Variants in KLF3 observed in about 807,000 individuals in gnomAD.
KLF3 encodes the protein Krueppel-like factor 3.
Under a neutral mutation model 32.7 loss-of-function variants are expected in KLF3, and 6 were observed. That is an observed-to-expected ratio of 0.18 (90% CI 0.10 to 0.36). The LOEUF (loss-of-function observed/expected upper bound fraction) is 0.36, where lower values mean the gene tolerates loss of function less well. KLF3 is among the 10% of genes least tolerant of loss of function. KLF3 has a pLI of 1.00. For synonymous variants in KLF3, 145 were observed against 172.8 expected (o/e 0.84, Z 1.26); for missense variants, 338 against 449.7 (o/e 0.75, Z 2.25).
chr4:38,680,924 C>T, intron 2 of KLF3: 1 of 348,580 alleles, frequency 2.9e-6, no homozygotes, highest in Non-Finnish European at 5.6e-6. Context: ...GTGGCACATG[C>T]CTGTAATCCC....
intron 2 of KLF3, among the ~76,000 whole-genome samples, chr4:38,681,947 A>T (rs1722539511): frequency 6.6e-6 from 1 of 152,244 alleles, no homozygotes; most frequent in Non-Finnish European, 1.5e-5. Flanking sequence ...TCTATAATGC[A>T]AGTTAAGTCA....
intron 1 of KLF3, among the ~76,000 whole-genome samples, chr4:38,676,129 A>AC (rs1722342785): frequency 2.0e-5 from 3 of 152,196 alleles, no homozygotes; most frequent in African/African-American, 7.2e-5. Flanking sequence ...TGTCTTTGTT[A>AC]AAAGTTTTGA....
At chr4:38,680,759 T>C in intron 2 of KLF3, 77 bp downstream of exon 2, 1 of 1,227,256 alleles carries the variant, frequency 8.1e-7, no homozygotes, top group Non-Finnish European at 1.2e-6. Context: ...GAATTATTCC[T>C]TGAAATCATG....
chr4:38,673,657 G>GT (rs1722263321), intron 1 of KLF3, among the ~76,000 whole-genome samples: 1 of 152,170 alleles, frequency 6.6e-6, no homozygotes, highest in South Asian at 2.1e-4. Context: ...GAACTTAGAG[G>GT]GTAGCATAGG....
intron 2 of KLF3, among the ~76,000 whole-genome samples, chr4:38,684,515 G>A (rs1000471652): frequency 4.7e-5 from 7 of 149,870 alleles, no homozygotes; most frequent in Admixed American, 6.7e-5. Context: ...TGGTTTTGTG[G>A]AGGTTTTTTT....
rs943906504 is a variant in KLF3 at position 38,700,904 on chromosome 4, G to C, written c.*3641G>C. The C allele has an allele frequency of 2.0e-5, 3 of 152,168 alleles. No homozygotes were observed. Among genetic ancestry groups the C allele is most frequent in the Non-Finnish European group, 2.9e-5 (2 of 68,012 alleles). The allele number at this position is 152,168 out of a possible 1,614,324, so 9.4% of individuals were successfully genotyped here. ...AATGTACCTTCTCTGTTTCTACTCT[G>C]TAGTCCAATGGGAATTCAGTAATGA... On this transcript the variant is annotated 3_prime_UTR_variant, in exon 6 of 6. Transcript: ENST00000261438.
chr4:38,684,487 ACT>A (rs1227067690), intron 2 of KLF3, among the ~76,000 whole-genome samples: 1 of 149,084 alleles, frequency 6.7e-6, no homozygotes, highest in Non-Finnish European at 1.5e-5. Flanking sequence ...GACGGAAATA[ACT>A]CTTATAGCAG....
chr4:38,672,742 G>C (rs925103667), intron 1 of KLF3, among the ~76,000 whole-genome samples: 1 of 152,178 alleles, frequency 6.6e-6, no homozygotes, highest in Non-Finnish European at 1.5e-5. Context: ...GATGAGAAGA[G>C]ATCTGTGAAA....
chr4:38,688,091 T>C lies in KLF3; in HGVS notation c.58-494T>C, dbSNP rs961450659. 6.6e-6 allele frequency among the ~76,000 whole-genome samples: 1 copy of C among 152,210 alleles called. No individual in the cohort carries two copies. Among genetic ancestry groups the C allele is most frequent in the Non-Finnish European group, 1.5e-5 (1 of 68,032 alleles). On this transcript the variant is annotated intron_variant, in intron 2 of 5. Coordinates refer to ENST00000261438, the MANE Select transcript of KLF3 (RefSeq NM_016531.6). This position sits in a 1 kb window ranked among gnomAD's most constrained non-coding sequence, Gnocchi z 4.9. ...AATGTCCTGCTGAAGTTGAAGACAC[T>C]ACTTATCCTGAGAAAGAGCTGTCCT...
rs547415168 is a variant in KLF3 at position 38,697,694 on chromosome 4, T to G, written c.*431T>G. ...CTTACCTCTGCCCTGTGATAATATT[T>G]TATGCTTGACAGTGAAAACAAGTGT... On this transcript the variant is annotated 3_prime_UTR_variant, in exon 6 of 6. Coordinates refer to ENST00000261438, the MANE Select transcript of KLF3 (RefSeq NM_016531.6). 2 of 155,684 alleles carry G rather than the reference T, an allele frequency of 1.3e-5. No homozygotes were observed. Among genetic ancestry groups the G allele is most frequent in the South Asian group, 4.1e-4 (2 of 4,912 alleles). 9.6% of individuals were successfully genotyped at this position (155,684 alleles called of 1,614,324 possible). A position where few individuals can be genotyped will look rare whatever the true frequency, so the allele number is the denominator to read the frequency against.
chr4:38,698,284 A>G lies in KLF3; in HGVS notation c.*1021A>G, dbSNP rs182708041. 12 of 152,740 alleles carry G rather than the reference A, an allele frequency of 7.9e-5. No homozygotes were observed. The highest frequency in any genetic ancestry group is 2.9e-4 in the African/African-American group (12 of 41,582). The allele number at this position is 152,740 out of a possible 1,614,324, so 9.5% of individuals were successfully genotyped here. Reference sequence around the variant, plus strand: ...GTATGGATGGTTCTTCTTTTACCCAATCTGCTTATAGCTTTTTTTGTAAAC... The same window carrying G: ...GTATGGATGGTTCTTCTTTTACCCAGTCTGCTTATAGCTTTTTTTGTAAAC... On this transcript the variant is annotated 3_prime_UTR_variant, in exon 6 of 6. Transcript: ENST00000261438.
chr4:38,680,498 G>A (rs1722486763), intron 1 of KLF3, 89 bp from the exon 2 acceptor site: 3 of 655,080 alleles, frequency 4.6e-6, no homozygotes, highest in African/African-American at 1.8e-5. Flanking sequence ...ACAGGGGTGA[G>A]CCACCTTGCC....
In KLF3 at chr4:38,680,599, A is replaced by G. The variant is rs1722492018; in HGVS notation, c.-27A>G. On this transcript the variant is annotated 5_prime_UTR_variant, in exon 2 of 6. Transcript: ENST00000261438. ...TTTTGTTTTCTAGGCCAAACACCAGAGCACCCTAGAAGGTTTAACTAAAAG... is the reference window on the plus strand; with the variant it reads ...TTTTGTTTTCTAGGCCAAACACCAGGGCACCCTAGAAGGTTTAACTAAAAG... 13 of 1,589,630 alleles carry G rather than the reference A, an allele frequency of 8.2e-6. No homozygotes were observed. Among genetic ancestry groups the G allele is most frequent in the Non-Finnish European group, 1.1e-5 (13 of 1,157,850 alleles).
intron 1 of KLF3, among the ~76,000 whole-genome samples, chr4:38,669,718 C>T (rs1374156609): frequency 1.3e-5 from 2 of 151,608 alleles, no homozygotes; most frequent in Non-Finnish European, 2.9e-5. Context: ...CATGGCAAAA[C>T]CCCATCTTTA....
At chr4:38,693,102 A>G (rs1217318436) in intron 4 of KLF3, among the ~76,000 whole-genome samples, 2 of 93,186 alleles carry the variant, frequency 2.1e-5, no homozygotes, top group Non-Finnish European at 4.3e-5. Context: ...GTATATATAT[A>G]TGTACATATA....
chr4:38,685,322 C>T (rs748863113), intron 2 of KLF3, among the ~76,000 whole-genome samples: 3 of 152,208 alleles, frequency 2.0e-5, no homozygotes, highest in Non-Finnish European at 4.4e-5. Context: ...TAATTATCTG[C>T]CCAGAGTTGG....
intron 2 of KLF3, 53 bp downstream of exon 2, chr4:38,680,735 CA>C: frequency 7.4e-7 from 1 of 1,349,408 alleles, no homozygotes; most frequent in Non-Finnish European, 1.1e-6. Flanking sequence ...GTGATGATAA[CA>C]TTATTGTGTG....
Position 38,697,232 on chromosome 4 carries a change from C to G in KLF3, c.1007C>G (p.Ala336Gly). 6.2e-7 allele frequency: 1 copy of G among 1,613,612 alleles called. No individual in the cohort carries two copies. Among genetic ancestry groups the G allele is most frequent in the Non-Finnish European group, 8.5e-7 (1 of 1,179,720 alleles). The change falls in exon 6 of 6, where the codon GCC becomes GGC. Residue 336 changes from alanine to glycine, a missense_variant. By Grantham distance (60) the Ala-to-Gly change is moderately conservative. Transcript: ENST00000261438. ...AGCTTCTCCCGTTCTGACCATCTTGCCCTCCATAGGAAACGCCACATGCTA... is the reference window on the plus strand; with the variant it reads ...AGCTTCTCCCGTTCTGACCATCTTGGCCTCCATAGGAAACGCCACATGCTA... ...DRSFSRSDHL[A>G]LHRKRHMLV
At chr4:38,682,572 C>T (rs77296810) in intron 2 of KLF3, among the ~76,000 whole-genome samples, 22,150 of 152,068 alleles carry the variant, frequency 0.15, 1,684 homozygotes, top group Middle Eastern at 0.24. Flanking sequence ...TTTTACTGTT[C>T]AATGTACCTC....
Sources: gnomAD v4.1 joint callset for allele counts (sites outside exome capture counted in the v4.1 genomes callset) on GRCh38, gnomAD v4.1.1 for gene constraint, Gnocchi (gnomAD v3.1) non-coding constraint, MANE v1.5 for transcripts, NCBI Gene and HGNC (gene_info 2026-07-23, HGNC 2026-07-21) for gene names.